Variants in TOP1MT observed in about 807,000 individuals in gnomAD.
TOP1MT encodes DNA topoisomerase I mitochondrial.
In TOP1MT, 80 loss-of-function variants were observed where a neutral mutation model predicts 73.9. The observed-to-expected ratio is 1.08, with a 90% CI of 0.90 to 1.30. The LOEUF (loss-of-function observed/expected upper bound fraction) is 1.30, where lower values mean the gene tolerates loss of function less well. Ranked by LOEUF, TOP1MT falls within the 50% of genes most tolerant of loss-of-function variation. The probability of loss-of-function intolerance (pLI) is 0.00; values close to 1 mark genes in which losing one functional copy is unlikely to be tolerated. For synonymous variants in TOP1MT, 338 were observed against 326.4 expected (o/e 1.04, Z -0.38); for missense variants, 815 against 808.0 (o/e 1.01, Z -0.10).
chr8:143,315,705 G>A lies in TOP1MT; in HGVS notation c.1553+22C>T, dbSNP rs146513342. On this transcript the variant is annotated intron_variant, in intron 12 of 13. Transcript: ENST00000329245. ...TTGGGACAGGGCCCCGGGAGAAGGC[G>A]TCTGAGGGCACGGGTACTCACCTCC... is the stretch of plus-strand genomic sequence containing the variant. 194 of 1,606,166 alleles carry A rather than the reference G, an allele frequency of 1.2e-4. No individual in the cohort carries two copies. The African/African-American group carries it at 1.2e-3, about 10-fold the overall frequency.
chr8:143,346,941 A>G (rs1158283254), upstream of TOP1MT, among the ~76,000 whole-genome samples: 1 of 151,240 alleles, frequency 6.6e-6, no homozygotes, highest in Admixed American at 6.6e-5. Flanking sequence ...TCACTTTTCA[A>G]AAGCCTCACT....
At chr8:143,332,596 A>C in intron 1 of TOP1MT, 1 of 1,288,002 alleles carries the variant, frequency 7.8e-7, no homozygotes, top group Non-Finnish European at 1.0e-6. Context: ...GAAGTCTCTG[A>C]AGGGTCTGAG....
chr8:143,342,377 G>C (rs1462876786), intron 2 of TOP1MT, among the ~76,000 whole-genome samples: 3 of 100,502 alleles, frequency 3.0e-5, no homozygotes, highest in Non-Finnish European at 5.8e-5. Context: ...ATTATTATTA[G>C]AGACAGAGCC....
intron 13 of TOP1MT, 99 bp from the exon 14 acceptor site, chr8:143,309,642 A>G: frequency 1.3e-6 from 2 of 1,566,574 alleles, no homozygotes; most frequent in Non-Finnish European, 1.7e-6. Context: ...CATGCAGCAG[A>G]GACACCAGAG....
intron 13 of TOP1MT, 172 bp from the exon 14 acceptor site, chr8:143,309,715 T>C: frequency 2.0e-6 from 3 of 1,524,394 alleles, no homozygotes; most frequent in Non-Finnish European, 2.6e-6. Context: ...GCCGCCACCC[T>C]GGAGCATCAG....
intron 4 of TOP1MT, among the ~76,000 whole-genome samples, chr8:143,325,998 A>G (rs953483244): frequency 6.6e-6 from 1 of 152,212 alleles, no homozygotes; most frequent in African/African-American, 2.4e-5. Flanking sequence ...CCCTTGATCA[A>G]TGATGGTAAA....
At chr8:143,357,093 CAAAAA>C (rs36125491), upstream of TOP1MT, among the ~76,000 whole-genome samples, 1 of 89,744 alleles carries the variant, frequency 1.1e-5, no homozygotes, top group Admixed American at 1.3e-4. Flanking sequence ...GACTCCATCT[CAAAAA>C]AAAAAAAAAA....
chr8:143,352,138 C>G (rs1817330009), intron 1 of TOP1MT, among the ~76,000 whole-genome samples: 1 of 152,214 alleles, frequency 6.6e-6, no homozygotes, highest in Non-Finnish European at 1.5e-5. Context: ...TCAATGCAAT[C>G]CCCATCAAAA....
At chr8:143,323,709 A>ACACACATGCTCAC (rs1816616067) in intron 7 of TOP1MT, among the ~76,000 whole-genome samples, 2 of 60,192 alleles carry the variant, frequency 3.3e-5, no homozygotes, top group Non-Finnish European at 4.5e-5. Context: ...CAGGCACACC[A>ACACACATGCTCAC]CACACATGCA....
At chr8:143,315,688 G>C in intron 12 of TOP1MT, 39 bp downstream of exon 12, 1 of 1,566,554 alleles carries the variant, frequency 6.4e-7, no homozygotes, top group Non-Finnish European at 8.8e-7. Context: ...GGTTGGGACA[G>C]GGCCCCGGGA....
upstream of TOP1MT, among the ~76,000 whole-genome samples, chr8:143,335,383 C>A (rs1159808378): frequency 2.0e-5 from 3 of 152,238 alleles, no homozygotes; most frequent in Non-Finnish European, 4.4e-5. Flanking sequence ...GTCCAGCCCA[C>A]AGCAGCCCCT....
At position 143,341,220 on chromosome 8, in the gene TOP1MT, T is replaced by C. The variant is rs1817074400; in HGVS notation, c.29+2000A>G. 6.6e-6 allele frequency among the ~76,000 whole-genome samples: 1 copy of C among 151,784 alleles called. No individual in the cohort carries two copies. The highest frequency in any genetic ancestry group is 2.4e-5 in the African/African-American group (1 of 41,340). Reference sequence around the variant, plus strand: ...TCTCCCCTTTCTCTTCGGATATTCTTTTTTTTTTCTCAGTTTGTGCCTCTC... The same window carrying C: ...TCTCCCCTTTCTCTTCGGATATTCTCTTTTTTTTCTCAGTTTGTGCCTCTC... On this transcript the variant is annotated intron_variant, in intron 2 of 5. Coordinates refer to the TOP1MT transcript ENST00000518007. This position sits in a 1 kb window ranked among gnomAD's most constrained non-coding sequence, Gnocchi z 4.1.
At chr8:143,347,826 C>A (rs765028051), upstream of TOP1MT, among the ~76,000 whole-genome samples, 1 of 152,160 alleles carries the variant, frequency 6.6e-6, no homozygotes, top group Non-Finnish European at 1.5e-5. Context: ...GCGGGACCAC[C>A]GCTTTGAGCC....
intron 1 of TOP1MT, chr8:143,332,554 G>A: frequency 7.8e-7 from 1 of 1,289,458 alleles, no homozygotes; most frequent in Non-Finnish European, 1.0e-6. Context: ...GGTGGGCCTG[G>A]TCGGCTGGGA....
rs373344239 is a variant in TOP1MT, at chr8:143,332,085, C to T, written c.123-746G>A. 2.0e-5 allele frequency among the ~76,000 whole-genome samples: 3 copies of T among 152,138 alleles called. No individual in the cohort carries two copies. In the East Asian group the frequency reaches 5.8e-4, roughly 29 times the overall value. On this transcript the variant is annotated intron_variant, in intron 1 of 13. Coordinates refer to ENST00000329245, the MANE Select transcript of TOP1MT (RefSeq NM_052963.3). Reference sequence around the variant, plus strand: ...GGGGGTGTTGGAGGGGGTGGGGGGACACAGCCAGCGTGGCGGCTACAGCCC... The same window carrying T: ...GGGGGTGTTGGAGGGGGTGGGGGGATACAGCCAGCGTGGCGGCTACAGCCC...
In TOP1MT at chr8:143,325,344, A is replaced by G. The variant is rs746182073; in HGVS notation, c.671+2T>C. On this transcript the variant is annotated splice_donor_variant, in intron 5 of 13. Coordinates refer to ENST00000329245, the MANE Select transcript of TOP1MT (RefSeq NM_052963.3). LOFTEE classifies it high-confidence loss of function. ...CCGCCTGCTGCCCGCCCGGCCACGC[A>G]CCTGCTGCAGTTGATAACCACATCC... 2 of 1,584,650 alleles carry G rather than the reference A, an allele frequency of 1.3e-6. No homozygotes were observed. The highest frequency in any genetic ancestry group is 2.2e-5 in the South Asian group (2 of 90,384).
chr8:143,322,515 ACAC>A (rs1443585647), intron 7 of TOP1MT, among the ~76,000 whole-genome samples: 2 of 111,452 alleles, frequency 1.8e-5, no homozygotes, highest in East Asian at 3.4e-4. Context: ...CAGGCACGCC[ACAC>A]AACAGGCACG....
At chr8:143,323,233 G>T (rs1465325354) in intron 7 of TOP1MT, among the ~76,000 whole-genome samples, 204 of 27,768 alleles carry the variant, frequency 7.3e-3, no homozygotes, top group African/African-American at 9.4e-3. Flanking sequence ...GCCACACACA[G>T]GCACGCCACA....
chr8:143,352,861 G>A (rs1026734889), intron 1 of TOP1MT, among the ~76,000 whole-genome samples: 1 of 152,176 alleles, frequency 6.6e-6, no homozygotes, highest in Admixed American at 6.5e-5. Flanking sequence ...CTGGCCTCAA[G>A]TGATCCTCCT....
Sources: gnomAD v4.1 joint callset for allele counts (sites outside exome capture counted in the v4.1 genomes callset) on GRCh38, gnomAD v4.1.1 for gene constraint, Gnocchi (gnomAD v3.1) non-coding constraint, MANE v1.5 for transcripts, NCBI Gene and HGNC (gene_info 2026-07-23, HGNC 2026-07-21) for gene names.